XPO1: variants seen among roughly 807,000 people sequenced by gnomAD.
XPO1 encodes exportin-1.
XPO1 carries 5 observed loss-of-function variants against 133.3 expected under a neutral mutation model. The observed-to-expected ratio is 0.04, with a 90% CI of 0.02 to 0.08. XPO1 has a LOEUF of 0.08. Among genes scored for constraint, XPO1 ranks in the 10% least tolerant of loss-of-function variants. The pLI is 1.00. For missense variants in XPO1, 506 were observed against 1,267.5 expected (o/e 0.40, Z 9.12); for synonymous variants, 419 against 408.2 (o/e 1.03, Z -0.32).
Position 61,537,785 on chromosome 2 carries a change from C to CACACACA in XPO1, c.-231_-230insTGTGTGT. 1.4e-5 allele frequency: 1 copy of CACACACA among 72,530 alleles called. No homozygotes were observed. The highest frequency in any genetic ancestry group is 3.4e-5 in the Non-Finnish European group (1 of 29,038). 4.5% of individuals were successfully genotyped at this position (72,530 alleles called of 1,614,324 possible). A position where few individuals can be genotyped will look rare whatever the true frequency, so the allele number is the denominator to read the frequency against. ...CACACACACACACACACACACACAC[C>CACACACA]CGCCCCCCCCCAAAAGGGGAATTAA... On this transcript the variant is annotated 5_prime_UTR_variant, in exon 1 of 25. Coordinates refer to ENST00000401558, the MANE Select transcript of XPO1 (RefSeq NM_003400.4).
chr2:61,536,759 G>C (rs187851880), intron 1 of XPO1: 1 of 152,408 alleles, frequency 6.6e-6, no homozygotes, highest in Admixed American at 6.6e-5. Context: ...TAAGTTCACC[G>C]CCCCTTTCTC....
intron 4 of XPO1, among the ~76,000 whole-genome samples, chr2:61,516,714 TGTGA>T (rs578072533): frequency 5.7e-4 from 87 of 152,158 alleles, no homozygotes; most frequent in Admixed American, 1.6e-3. Context: ...ATGCCCCGCC[TGTGA>T]GTAAGTTTTT....
At chr2:61,528,767 A>G (rs1699027777) in intron 2 of XPO1, among the ~76,000 whole-genome samples, 1 of 56,430 alleles carries the variant, frequency 1.8e-5, no homozygotes, top group African/African-American at 6.2e-5. Flanking sequence ...ATATATATAT[A>G]TATATATATA....
intron 4 of XPO1, among the ~76,000 whole-genome samples, chr2:61,517,025 T>C (rs1158644330): frequency 6.6e-6 from 1 of 152,136 alleles, no homozygotes; most frequent in East Asian, 1.9e-4. Flanking sequence ...TGCCTCAGCC[T>C]CTCAATTAGC....
At chr2:61,530,291 T>C (rs1699093768) in intron 2 of XPO1, among the ~76,000 whole-genome samples, 1 of 152,202 alleles carries the variant, frequency 6.6e-6, no homozygotes, top group Non-Finnish European at 1.5e-5. Flanking sequence ...GTAATTTTAC[T>C]CTCTGATGCT....
At chr2:61,524,414 T>C (rs945751854) in intron 3 of XPO1, among the ~76,000 whole-genome samples, 1 of 152,234 alleles carries the variant, frequency 6.6e-6, no homozygotes, top group African/African-American at 2.4e-5. Context: ...ACCTGTATTT[T>C]CTACAACTGT....
At chr2:61,482,582 A>G in intron 22 of XPO1, 43 bp from the exon 23 acceptor site, 2 of 1,468,224 alleles carry the variant, frequency 1.4e-6, no homozygotes, top group Non-Finnish European at 1.8e-6. Flanking sequence ...ATGTAATATA[A>G]CTATAGATCT....
chr2:61,522,749 C>A, intron 3 of XPO1, 66 bp from the exon 4 acceptor site: 2 of 1,154,854 alleles, frequency 1.7e-6, no homozygotes, highest in Non-Finnish European at 2.6e-6. Context: ...TCAGGATTCA[C>A]AAATGGACAG....
At chr2:61,502,117 G>A in intron 5 of XPO1, 77 bp from the exon 6 acceptor site, 1 of 1,513,248 alleles carries the variant, frequency 6.6e-7, no homozygotes. Flanking sequence ...CCTAACAAAT[G>A]ATTACAGCTC....
intron 4 of XPO1, among the ~76,000 whole-genome samples, chr2:61,517,144 G>A (rs952113229): frequency 2.0e-5 from 3 of 152,016 alleles, no homozygotes; most frequent in Non-Finnish European, 4.4e-5. Context: ...CAGGTGATCT[G>A]CCCACCTCAG....
intron 24 of XPO1, among the ~76,000 whole-genome samples, chr2:61,479,349 G>A (rs564934423): frequency 8.5e-5 from 13 of 152,186 alleles, no homozygotes; most frequent in Admixed American, 6.6e-4. Context: ...CTACTTGGGA[G>A]GCTGAGGCAG....
intron 2 of XPO1, among the ~76,000 whole-genome samples, chr2:61,532,765 G>A (rs982779797): frequency 6.6e-6 from 1 of 151,564 alleles, no homozygotes; most frequent in Non-Finnish European, 1.5e-5. Flanking sequence ...AACCTGGGAG[G>A]CAGAGGTTGC....
Position 61,488,148 on chromosome 2 carries a change from A to G in XPO1, c.2313+17T>C. On this transcript the variant is annotated intron_variant, in intron 19 of 24. Transcript: ENST00000401558. ...GCATCAACACTAGAAATCAAAAGCA[A>G]AGCATCTCTCACTTACCATCTGTGG... The G allele has an allele frequency of 1.2e-6, 2 of 1,606,366 alleles. No individual in the cohort carries two copies. Among genetic ancestry groups the G allele is most frequent in the Non-Finnish European group, 1.7e-6 (2 of 1,173,112 alleles).
chr2:61,514,460 G>A (rs1230086503), intron 4 of XPO1, among the ~76,000 whole-genome samples: 1 of 151,810 alleles, frequency 6.6e-6, no homozygotes, highest in Non-Finnish European at 1.5e-5. Flanking sequence ...GGGTGTGGTG[G>A]CACATGCCTG....
chr2:61,511,509 T>C (rs1331044235), intron 4 of XPO1, among the ~76,000 whole-genome samples: 1 of 151,972 alleles, frequency 6.6e-6, no homozygotes, highest in Non-Finnish European at 1.5e-5. Flanking sequence ...CTGCCTGGAC[T>C]CAAATGATTC....
chr2:61,481,111 A>G, intron 24 of XPO1, 74 bp downstream of exon 24: 2 of 928,662 alleles, frequency 2.2e-6, no homozygotes, highest in South Asian at 3.9e-5. Flanking sequence ...ATCAAGTGAT[A>G]AAAATTCTAC....
intron 4 of XPO1, among the ~76,000 whole-genome samples, chr2:61,507,000 CG>C (rs1454998523): frequency 1.3e-5 from 2 of 151,554 alleles, no homozygotes; most frequent in Non-Finnish European, 2.9e-5. Flanking sequence ...GAGGCCGAGA[CG>C]GGCAGATCAT....
chr2:61,505,845 C>T (rs996229670), intron 4 of XPO1, among the ~76,000 whole-genome samples: 2 of 152,044 alleles, frequency 1.3e-5, no homozygotes, highest in African/African-American at 4.8e-5. Flanking sequence ...TGAGCCACCG[C>T]GCCTGGCTGA....
chr2:61,494,750 C>A (rs1697156868), intron 11 of XPO1: 1 of 148,598 alleles, frequency 6.7e-6, no homozygotes, highest in East Asian at 2.0e-4. Context: ...TACTAATATG[C>A]CACTGAATTG....
Sources: allele counts gnomAD v4.1 joint callset (sites outside exome capture counted in the v4.1 genomes callset), GRCh38; gene constraint gnomAD v4.1.1; transcripts MANE v1.5; gene names NCBI Gene and HGNC (gene_info 2026-07-23, HGNC 2026-07-21).